The following LCORL variants were observed in gnomAD, a reference collection of about 807,000 sequenced individuals.
LCORL encodes the protein ligand-dependent nuclear receptor corepressor-like protein.
Under a neutral mutation model 141.8 loss-of-function variants are expected in LCORL, and 41 were observed. The observed-to-expected ratio is 0.29, with a 90% confidence interval of 0.23 to 0.38. The LOEUF (loss-of-function observed/expected upper bound fraction) is 0.38, where lower values mean the gene tolerates loss of function less well. Among genes scored for constraint, LCORL ranks in the 10% least tolerant of loss-of-function variants. LCORL has a pLI of 1.00. For missense variants in LCORL, 1,759 were observed against 2,035.0 expected, an observed-to-expected ratio of 0.86 and a Z score of 2.61; for synonymous variants, 618 against 694.1, an observed-to-expected ratio of 0.89 and a Z score of 1.72.
rs373269346 is a variant in LCORL, at chr4:17,950,603, A to G, written c.430+11300T>C. Among the ~76,000 whole-genome samples, 32 of 152,330 alleles carry G rather than the reference A, an allele frequency of 2.1e-4. 1 individual carries two copies. In the South Asian group the frequency reaches 3.7e-3, roughly 18 times the overall value. On this transcript the variant is annotated intron_variant, in intron 4 of 7. Coordinates refer to ENST00000635767, the Ensembl canonical transcript of LCORL. ...TGGAGTACGGAAGAATCCAGTACAT[A>G]TTTTGCTAACTTCCAGGAGTTAATG...
chr4:17,847,438 C>T (rs1723063913), intron 7 of LCORL, among the ~76,000 whole-genome samples: 1 of 152,174 alleles, frequency 6.6e-6, no homozygotes, highest in Non-Finnish European at 1.5e-5. Flanking sequence ...TTTACCACCA[C>T]TAACATATCT....
intron 7 of LCORL, among the ~76,000 whole-genome samples, chr4:17,863,773 A>C (rs1577272868): frequency 6.6e-6 from 1 of 152,378 alleles, no homozygotes; most frequent in East Asian, 1.9e-4. Context: ...GAATAGGTAA[A>C]GAAAATATGG....
In LCORL at chr4:17,854,677, G is replaced by A. The variant is rs1167802709; in HGVS notation, c.5603-8776C>T. 2.0e-5 allele frequency among the ~76,000 whole-genome samples: 3 copies of A among 151,724 alleles called. No homozygotes were observed. The East Asian group carries it at 5.8e-4, about 29-fold the overall frequency. ...AAACAGGTAAGTTTAGACTGCAATT[G>A]CTTTTTTAAAAAAAAACAAAAACAA... On this transcript the variant is annotated intron_variant, in intron 7 of 7. Coordinates refer to ENST00000635767, the Ensembl canonical transcript of LCORL.
intron 6 of LCORL, chr4:17,881,236 A>C (rs910881468): frequency 1.8e-4 from 180 of 983,230 alleles, no homozygotes; most frequent in Non-Finnish European, 2.2e-4. Context: ...CACCTTCATT[A>C]AGTCTGCTGA....
chr4:17,856,520 G>T (rs1724384604), intron 7 of LCORL, among the ~76,000 whole-genome samples: 1 of 152,330 alleles, frequency 6.6e-6, no homozygotes. Context: ...ATAATTTTCT[G>T]TGGTTTAAGC....
chr4:17,958,031 G>A (rs143313170), intron 4 of LCORL, among the ~76,000 whole-genome samples: 1 of 151,980 alleles, frequency 6.6e-6, no homozygotes, highest in Non-Finnish European at 1.5e-5. Context: ...ACTGGTTAAT[G>A]AACCATACTA....
chr4:17,901,112 T>C (rs1001537576), intron 5 of LCORL, among the ~76,000 whole-genome samples: 31 of 152,052 alleles, frequency 2.0e-4, no homozygotes, highest in Non-Finnish European at 3.8e-4. Flanking sequence ...CAGAACATTA[T>C]TCTAGTTTCA....
chr4:17,894,643 C>T lies in LCORL; in HGVS notation c.683-8482G>A, dbSNP rs189102542. ...AACAGCTGAATTCTCACATCTGCTT[C>T]TGCATTGATTGTGTTGAGATATCAC... On this transcript the variant is annotated intron_variant, in intron 5 of 7. Transcript: ENST00000635767. 6.5e-3 allele frequency among the ~76,000 whole-genome samples: 992 copies of T among 152,310 alleles called. 5 individuals are homozygous for T. Among genetic ancestry groups the T allele is most frequent in the South Asian group, 0.021 (102 of 4,830 alleles).
chr4:17,843,931 AAC>A (rs1259205844), exon 8 of LCORL: 2 of 152,098 alleles, frequency 1.3e-5, no homozygotes, highest in Non-Finnish European at 2.9e-5. Context: ...AACGTTCAAC[AAC>A]AGTTATTTTG....
intron 2 of LCORL, among the ~76,000 whole-genome samples, chr4:17,963,653 CAGA>C (rs1361860170): frequency 1.3e-5 from 2 of 150,100 alleles, no homozygotes; most frequent in Non-Finnish European, 3.0e-5. Context: ...TTTTTTTTTC[CAGA>C]AGAATATTCC....
intron 4 of LCORL, among the ~76,000 whole-genome samples, chr4:17,952,829 T>A (rs917974951): frequency 6.6e-5 from 10 of 152,196 alleles, no homozygotes; most frequent in African/African-American, 2.4e-4. Context: ...AACACTCATG[T>A]ACTAAGCATA....
At chr4:17,996,643 A>C (rs1181564729) in intron 1 of LCORL, among the ~76,000 whole-genome samples, 1 of 152,074 alleles carries the variant, frequency 6.6e-6, no homozygotes, top group East Asian at 1.9e-4. Flanking sequence ...AACATACACT[A>C]TATTCCTCTG....
intron 4 of LCORL, among the ~76,000 whole-genome samples, chr4:17,943,748 A>G (rs1738360947): frequency 6.6e-6 from 1 of 152,188 alleles, no homozygotes; most frequent in Non-Finnish European, 1.5e-5. Flanking sequence ...AGGTCACAGG[A>G]ATATAAAGAA....
intron 4 of LCORL, among the ~76,000 whole-genome samples, chr4:17,920,427 T>G (rs1043675595): frequency 6.6e-6 from 1 of 152,230 alleles, no homozygotes; most frequent in Non-Finnish European, 1.5e-5. Context: ...CAAGTGGTAA[T>G]CTTTTTGCTG....
chr4:17,991,112 T>C (rs568406652), intron 1 of LCORL, among the ~76,000 whole-genome samples: 31 of 152,308 alleles, frequency 2.0e-4, no homozygotes, highest in Non-Finnish European at 2.1e-4. Flanking sequence ...TAAAATTTTT[T>C]AATAAATAAA....
chr4:17,861,242 T>C (rs1724975525), intron 7 of LCORL, among the ~76,000 whole-genome samples: 1 of 152,252 alleles, frequency 6.6e-6, no homozygotes, highest in African/African-American at 2.4e-5. Context: ...TCCAGGCGTT[T>C]CCACACATCT....
rs575640889 is a variant in LCORL at position 17,987,862 on chromosome 4, G to A, written c.155-14977C>T. Among the ~76,000 whole-genome samples, 38 of 152,212 alleles carry A rather than the reference G, an allele frequency of 2.5e-4. 1 individual carries two copies. The highest frequency in any genetic ancestry group is 2.0e-3 in the Admixed American group (31 of 15,296). On this transcript the variant is annotated intron_variant, in intron 1 of 7. Coordinates refer to ENST00000635767, the Ensembl canonical transcript of LCORL. ...GTCTTTTCATTATTGAGTTGTAAGC[G>A]TTATTTTGAACATAAATCCCTTATG...
In LCORL at chr4:18,021,557, C is replaced by A; in HGVS notation, c.154+41G>T. 3 of 1,494,254 alleles carry A rather than the reference C, an allele frequency of 2.0e-6. No individual in the cohort carries two copies. Among genetic ancestry groups the A allele is most frequent in the South Asian group, 2.5e-5 (2 of 79,614 alleles). The allele number at this position is 1,494,254 out of a possible 1,614,324, so 92.6% of individuals were successfully genotyped here. A position where few individuals can be genotyped will look rare whatever the true frequency, so the allele number is the denominator to read the frequency against. On this transcript the variant is annotated intron_variant, in intron 1 of 7. Coordinates refer to ENST00000635767, the Ensembl canonical transcript of LCORL. This position sits in a 1 kb window ranked among gnomAD's most constrained non-coding sequence, Gnocchi z 5.5. ...AAACTCCTCGGGCTGCGACAGCGGT[C>A]GCCGCGCGGAGCCCGGGGCCCCGGC...
intron 7 of LCORL, among the ~76,000 whole-genome samples, chr4:17,856,611 T>G (rs1724396517): frequency 6.6e-6 from 1 of 152,216 alleles, no homozygotes; most frequent in Non-Finnish European, 1.5e-5. Flanking sequence ...CTTTTGGCTT[T>G]TGAGACAAAA....
Sources: gnomAD v4.1 joint callset for allele counts (sites outside exome capture counted in the v4.1 genomes callset) on GRCh38, gnomAD v4.1.1 for gene constraint, Gnocchi (gnomAD v3.1) non-coding constraint, MANE v1.5 for transcripts, NCBI Gene and HGNC (gene_info 2026-07-23, HGNC 2026-07-21) for gene names.